The following FAR2 variants were observed in gnomAD, a reference collection of about 807,000 sequenced individuals.
FAR2 encodes fatty acyl-CoA reductase 2.
A neutral mutation model predicts 56.0 loss-of-function variants in FAR2; 19 were observed. The observed-to-expected ratio is 0.34, with a 90% CI of 0.24 to 0.50. FAR2 has a LOEUF of 0.50. FAR2 is among the 20% of genes least tolerant of loss of function. FAR2 has a pLI of 0.98. For missense variants in FAR2, 508 were observed against 642.2 expected (o/e 0.79, Z 2.26); for synonymous variants, 219 against 218.8 (o/e 1.00, Z -0.01).
intron 1 of FAR2, among the ~76,000 whole-genome samples, chr12:29,214,230 A>G (rs963452539): frequency 3.3e-5 from 5 of 152,232 alleles, no homozygotes; most frequent in Non-Finnish European, 7.3e-5. Flanking sequence ...TGAGAATACC[A>G]CTTGCTGATT....
At chr12:29,314,487 C>A (rs1167688116) in intron 8 of FAR2, among the ~76,000 whole-genome samples, 1 of 148,870 alleles carries the variant, frequency 6.7e-6, no homozygotes, top group Non-Finnish European at 1.5e-5. Context: ...TTCCAGGGAG[C>A]TCTTGGGAGG....
At chr12:29,243,038 C>T (rs897014779) in intron 1 of FAR2, among the ~76,000 whole-genome samples, 9 of 152,274 alleles carry the variant, frequency 5.9e-5, no homozygotes, top group Non-Finnish European at 1.0e-4. Context: ...CTCAAAGGCA[C>T]GCAGGAGAGT....
intron 2 of FAR2, among the ~76,000 whole-genome samples, chr12:29,271,028 A>T (rs968916936): frequency 6.6e-6 from 1 of 152,106 alleles, no homozygotes; most frequent in African/African-American, 2.4e-5. Flanking sequence ...GTTCTATTCT[A>T]TTGCTTAGGG....
chr12:29,189,889 AAAC>A lies in FAR2; in HGVS notation c.-39+40488_-39+40490del, dbSNP rs538485568. Among the ~76,000 whole-genome samples, 618 of 152,308 alleles carry A rather than the reference AAAC, an allele frequency of 4.1e-3. 6 individuals carry two copies. Among genetic ancestry groups the A allele is most frequent in the Non-Finnish European group, 6.4e-3 (434 of 68,030 alleles). On this transcript the variant is annotated intron_variant, in intron 1 of 11. Coordinates refer to ENST00000536681, the MANE Select transcript of FAR2 (RefSeq NM_001271783.2). ...TATAGGTTTGAATTAGGATGGTAAC[AAAC>A]AACAAGGAGGAGATGGAGCTGATTC...
At chr12:29,175,280 C>T (rs758566905) in intron 1 of FAR2, among the ~76,000 whole-genome samples, 16 of 152,126 alleles carry the variant, frequency 1.1e-4, no homozygotes, top group Non-Finnish European at 1.9e-4. Context: ...AGAATGAAGC[C>T]GCGGACCTTC....
chr12:29,325,258 T>C (rs1018531174), intron 10 of FAR2, among the ~76,000 whole-genome samples: 7 of 152,124 alleles, frequency 4.6e-5, no homozygotes, highest in African/African-American at 1.7e-4. Context: ...AGCAAGCCCT[T>C]AGTGACCTAC....
At chr12:29,246,096 T>C (rs900428765) in intron 1 of FAR2, among the ~76,000 whole-genome samples, 10 of 151,834 alleles carry the variant, frequency 6.6e-5, no homozygotes, top group Admixed American at 4.6e-4. Flanking sequence ...TTTTAATATA[T>C]ACATCAAATT....
At chr12:29,250,783 AT>A (rs1369180616) in intron 1 of FAR2, among the ~76,000 whole-genome samples, 4 of 152,188 alleles carry the variant, frequency 2.6e-5, no homozygotes, top group African/African-American at 7.2e-5. Flanking sequence ...AATATAATGG[AT>A]TAATTTTGTG....
intron 10 of FAR2, among the ~76,000 whole-genome samples, chr12:29,329,006 G>T (rs374448357): frequency 6.6e-6 from 1 of 151,952 alleles, no homozygotes; most frequent in African/African-American, 2.4e-5. Flanking sequence ...TCAAATCCAA[G>T]CCCTAGAATT....
intron 1 of FAR2, among the ~76,000 whole-genome samples, chr12:29,266,187 A>G (rs1226145028): frequency 1.3e-5 from 2 of 152,182 alleles, no homozygotes; most frequent in Non-Finnish European, 2.9e-5. Context: ...AAATCAGTGT[A>G]TCAAAGAGAT....
At chr12:29,240,630 C>T (rs931866209) in intron 1 of FAR2, among the ~76,000 whole-genome samples, 1 of 152,028 alleles carries the variant, frequency 6.6e-6, no homozygotes, top group African/African-American at 2.4e-5. Flanking sequence ...CTCTCTTACT[C>T]CTCTCTGGAA....
chr12:29,295,650 C>A (rs1193379795), intron 3 of FAR2, among the ~76,000 whole-genome samples: 1 of 150,628 alleles, frequency 6.6e-6, no homozygotes, highest in African/African-American at 2.4e-5. Context: ...ATTATATATT[C>A]ATTTATGATG....
chr12:29,154,705 G>A (rs1029521016), intron 1 of FAR2, among the ~76,000 whole-genome samples: 1 of 152,172 alleles, frequency 6.6e-6, no homozygotes, highest in Admixed American at 6.5e-5. Flanking sequence ...GATTACAGGC[G>A]TGAGCCACCG....
chr12:29,261,840 A>G (rs1403938302), intron 1 of FAR2, among the ~76,000 whole-genome samples: 3 of 152,272 alleles, frequency 2.0e-5, no homozygotes, highest in Non-Finnish European at 4.4e-5. Context: ...TCAAGCACAA[A>G]GGAGAAATAA....
intron 10 of FAR2, among the ~76,000 whole-genome samples, chr12:29,327,736 C>T (rs898058563): frequency 3.3e-5 from 5 of 152,176 alleles, no homozygotes; most frequent in African/African-American, 1.2e-4. Context: ...TTCCTTACAC[C>T]TTATACAAAA....
chr12:29,319,231 G>C (rs1413641818), intron 9 of FAR2, among the ~76,000 whole-genome samples: 1 of 151,940 alleles, frequency 6.6e-6, no homozygotes, highest in East Asian at 1.9e-4. Flanking sequence ...CCTCAAGCAA[G>C]TCACCCGCCT....
At chr12:29,253,286 T>TATATATCG (rs1565489449) in intron 1 of FAR2, among the ~76,000 whole-genome samples, 10 of 80,664 alleles carry the variant, frequency 1.2e-4, no homozygotes, top group African/African-American at 4.4e-4. Flanking sequence ...TATCGATATC[T>TATATATCG]ATATCTATCT....
intron 10 of FAR2, among the ~76,000 whole-genome samples, chr12:29,324,506 C>T (rs1055836838): frequency 6.6e-6 from 1 of 152,152 alleles, no homozygotes; most frequent in African/African-American, 2.4e-5. Flanking sequence ...AGAGAAAGGT[C>T]GGGTTACCCA....
intron 1 of FAR2, among the ~76,000 whole-genome samples, chr12:29,228,151 AAAAG>A (rs1384483605): frequency 6.6e-6 from 1 of 152,084 alleles, no homozygotes. Context: ...GAAAAAAAAA[AAAAG>A]AAGTAGGTTC....
Sources: allele counts gnomAD v4.1 joint callset (sites outside exome capture counted in the v4.1 genomes callset), GRCh38; gene constraint gnomAD v4.1.1; transcripts MANE v1.5; gene names NCBI Gene and HGNC (gene_info 2026-07-23, HGNC 2026-07-21).